Variants in HDAC9 observed in about 807,000 individuals in gnomAD.
The protein encoded by HDAC9 is histone deacetylase 9, also known as MEF-2 interacting transcription repressor (MITR) protein.
A neutral mutation model predicts 139.4 loss-of-function variants in HDAC9; 41 were observed. The ratio of observed to expected loss-of-function variants is 0.29; its 90% CI spans 0.23 to 0.38. The LOEUF (loss-of-function observed/expected upper bound fraction) is 0.38, where lower values mean the gene tolerates loss of function less well. Among genes scored for constraint, HDAC9 ranks in the 10% least tolerant of loss-of-function variants. The pLI is 1.00. For missense variants in HDAC9, 1,147 were observed against 1,297.0 expected (o/e 0.88, Z 1.78); for synonymous variants, 517 against 476.2 (o/e 1.09, Z -1.12).
At chr7:18,184,682 A>G (rs1789766312) in intron 2 of HDAC9, among the ~76,000 whole-genome samples, 2 of 152,238 alleles carry the variant, frequency 1.3e-5, no homozygotes. Context: ...TAACCAGATC[A>G]AATGTTCTAT....
intron 22 of HDAC9, among the ~76,000 whole-genome samples, chr7:18,933,733 T>C (rs1781424499): frequency 1.3e-5 from 2 of 151,566 alleles, no homozygotes; most frequent in Non-Finnish European, 3.0e-5. Context: ...CAAATGTCAG[T>C]TACAGAATAT....
At chr7:18,183,647 T>G (rs1254827981) in intron 2 of HDAC9, among the ~76,000 whole-genome samples, 1 of 152,190 alleles carries the variant, frequency 6.6e-6, no homozygotes, top group Non-Finnish European at 1.5e-5. Flanking sequence ...TTCTTTAATT[T>G]AAATTTTTCA....
chr7:18,540,954 C>G (rs919858130), intron 2 of HDAC9, among the ~76,000 whole-genome samples: 92 of 152,090 alleles, frequency 6.0e-4, no homozygotes, highest in African/African-American at 1.7e-3. Flanking sequence ...GATAAAGAAA[C>G]TGACACCAAG....
At chr7:18,114,552 C>T (rs1454861576) in intron 1 of HDAC9, among the ~76,000 whole-genome samples, 4 of 152,160 alleles carry the variant, frequency 2.6e-5, no homozygotes, top group African/African-American at 7.2e-5. Flanking sequence ...CTTTGTTGAC[C>T]TCCATCTAGA....
chr7:18,794,678 G>C (rs1030527631), intron 17 of HDAC9, among the ~76,000 whole-genome samples: 1 of 152,186 alleles, frequency 6.6e-6, no homozygotes, highest in African/African-American at 2.4e-5. Flanking sequence ...CCTGTGGAGA[G>C]GTTTTGGCTA....
chr7:18,814,774 A>G (rs1794440564), intron 17 of HDAC9, among the ~76,000 whole-genome samples: 1 of 152,240 alleles, frequency 6.6e-6, no homozygotes, highest in Non-Finnish European at 1.5e-5. Flanking sequence ...ACTAGTGTAT[A>G]GCCTTGGAAA....
intron 22 of HDAC9, among the ~76,000 whole-genome samples, chr7:18,910,168 A>C (rs1346880629): frequency 1.3e-5 from 2 of 151,972 alleles, no homozygotes; most frequent in African/African-American, 4.8e-5. Context: ...CTATTTTAAC[A>C]ATATTAATTC....
intron 1 of HDAC9, among the ~76,000 whole-genome samples, chr7:18,470,523 A>G (rs1227954810): frequency 6.6e-6 from 1 of 152,168 alleles, no homozygotes; most frequent in Non-Finnish European, 1.5e-5. Context: ...CAGACATTAG[A>G]CAGCCTATGT....
At chr7:18,276,347 T>C (rs2128217425) in intron 2 of HDAC9, among the ~76,000 whole-genome samples, 1 of 152,338 alleles carries the variant, frequency 6.6e-6, no homozygotes, top group South Asian at 2.1e-4. Context: ...TCCTTTATAA[T>C]ACCCTTTAAA....
chr7:18,171,487 A>G (rs957027430), intron 2 of HDAC9, among the ~76,000 whole-genome samples: 2 of 152,170 alleles, frequency 1.3e-5, no homozygotes, highest in Non-Finnish European at 2.9e-5. Context: ...AGTATGTTGA[A>G]TAGGAGTGGT....
At chr7:18,658,899 C>CAAAAAAAAAAAAAAAAA (rs11306117) in intron 11 of HDAC9, among the ~76,000 whole-genome samples, 2 of 118,138 alleles carry the variant, frequency 1.7e-5, no homozygotes, top group African/African-American at 5.6e-5. Flanking sequence ...AAAAAAAAAG[C>CAAAAAAAAAAAAAAAAA]AAAAAAAAAA....
At chr7:18,104,514 G>C (rs1437399245) in intron 1 of HDAC9, among the ~76,000 whole-genome samples, 1 of 152,150 alleles carries the variant, frequency 6.6e-6, no homozygotes, top group Non-Finnish European at 1.5e-5. Context: ...GGAAAAGAGA[G>C]AATGCTAAGT....
At chr7:18,751,491 T>G (rs1273055362) in intron 14 of HDAC9, among the ~76,000 whole-genome samples, 1 of 152,144 alleles carries the variant, frequency 6.6e-6, no homozygotes, top group South Asian at 2.1e-4. Context: ...TATTTATCAT[T>G]ATATATGATA....
intron 12 of HDAC9, among the ~76,000 whole-genome samples, chr7:18,702,155 G>A (rs1783545347): frequency 6.6e-6 from 1 of 152,194 alleles, no homozygotes; most frequent in South Asian, 2.1e-4. Context: ...AAAGGGACAG[G>A]CTGTCGCTTG....
At chr7:18,853,772 A>G (rs1797473343) in intron 21 of HDAC9, among the ~76,000 whole-genome samples, 1 of 152,174 alleles carries the variant, frequency 6.6e-6, no homozygotes, top group South Asian at 2.1e-4. Context: ...CTATACCTTT[A>G]CAACATGATT....
chr7:18,275,962 C>A (rs1796692453), intron 2 of HDAC9, among the ~76,000 whole-genome samples: 2 of 152,196 alleles, frequency 1.3e-5, no homozygotes, highest in Middle Eastern at 6.8e-3. Context: ...ACAGGCATAT[C>A]CCCAGCACCT....
At chr7:18,956,763 A>C (rs1435320452) in intron 24 of HDAC9, among the ~76,000 whole-genome samples, 3 of 152,126 alleles carry the variant, frequency 2.0e-5, no homozygotes, top group African/African-American at 7.2e-5. Context: ...AGTCTAAGGC[A>C]GTCAACCCAC....
chr7:18,247,208 T>A (rs1325945601), intron 2 of HDAC9, among the ~76,000 whole-genome samples: 2 of 151,726 alleles, frequency 1.3e-5, no homozygotes, highest in African/African-American at 4.8e-5. Context: ...AACTTGGGAG[T>A]CATTAGCATA....
chr7:18,931,892 T>A (rs1319020118), intron 22 of HDAC9, among the ~76,000 whole-genome samples: 1 of 152,142 alleles, frequency 6.6e-6, no homozygotes, highest in African/African-American at 2.4e-5. Flanking sequence ...AGGGCAGTCA[T>A]TGATTCTGTC....
Sources: gnomAD v4.1 joint callset for allele counts (sites outside exome capture counted in the v4.1 genomes callset) on GRCh38, gnomAD v4.1.1 for gene constraint, MANE v1.5 for transcripts, NCBI Gene and HGNC (gene_info 2026-07-23, HGNC 2026-07-21) for gene names.